PCED1B: variants seen among roughly 807,000 people sequenced by gnomAD.
The protein encoded by PCED1B is PC-esterase domain-containing protein 1B.
For synonymous variants in PCED1B, 251 were observed against 246.1 expected, an observed-to-expected ratio of 1.02 and a Z score of -0.19; for missense variants, 573 against 573.9, an observed-to-expected ratio of 1.00 and a Z score of 0.02.
intron 1 of PCED1B, among the ~76,000 whole-genome samples, chr12:47,083,305 G>A (rs1937830623): frequency 1.3e-5 from 2 of 152,006 alleles, no homozygotes; most frequent in South Asian, 4.2e-4. Context: ...TAGTCAGGTG[G>A]AATTTATACA....
chr12:47,149,161 C>A (rs1320898260), intron 2 of PCED1B, among the ~76,000 whole-genome samples: 2 of 152,206 alleles, frequency 1.3e-5, no homozygotes, highest in African/African-American at 4.8e-5. Flanking sequence ...GCTATTATTT[C>A]TCAGTTTAGA....
At chr12:47,230,897 CTTG>C (rs1340185341) in intron 3 of PCED1B, among the ~76,000 whole-genome samples, 1 of 152,222 alleles carries the variant, frequency 6.6e-6, no homozygotes, top group African/African-American at 2.4e-5. Flanking sequence ...GCACTTCCTA[CTTG>C]TTAGGCATTA....
chr12:47,145,412 A>G (rs2222609), intron 2 of PCED1B, among the ~76,000 whole-genome samples: 82,643 of 152,064 alleles, frequency 0.54, 24,059 homozygotes, highest in Non-Finnish European at 0.63. Context: ...TAATGGATGA[A>G]GGCAGCTACA....
At chr12:47,175,865 C>T (rs1941907426) in intron 2 of PCED1B, among the ~76,000 whole-genome samples, 1 of 151,796 alleles carries the variant, frequency 6.6e-6, no homozygotes, top group African/African-American at 2.4e-5. Flanking sequence ...AGTCACTGTG[C>T]CCGGCCTATT....
intron 2 of PCED1B, among the ~76,000 whole-genome samples, chr12:47,145,365 G>A (rs1228866249): frequency 2.0e-5 from 3 of 152,218 alleles, no homozygotes; most frequent in Non-Finnish European, 4.4e-5. Flanking sequence ...TGCTGATGTA[G>A]AAGCTGCAGG....
chr12:47,215,142 A>C (rs1415896465), intron 2 of PCED1B, among the ~76,000 whole-genome samples: 2 of 149,640 alleles, frequency 1.3e-5, no homozygotes, highest in African/African-American at 4.9e-5. Context: ...TTTCTTTTTC[A>C]TCTTGGTATT....
intron 1 of PCED1B, among the ~76,000 whole-genome samples, chr12:47,081,471 T>A (rs1457122826): frequency 6.6e-6 from 1 of 152,200 alleles, no homozygotes; most frequent in Non-Finnish European, 1.5e-5. Context: ...AATCTAGGCA[T>A]TTTCAGATGA....
intron 2 of PCED1B, chr12:47,135,867 G>C (rs1940340611): frequency 2.3e-6 from 1 of 437,378 alleles, no homozygotes; most frequent in African/African-American, 2.0e-5. Flanking sequence ...GCCGGTGTTG[G>C]CAGGAGTGAA....
intron 2 of PCED1B, among the ~76,000 whole-genome samples, chr12:47,191,881 C>T (rs1297393836): frequency 2.6e-5 from 4 of 151,878 alleles, no homozygotes; most frequent in African/African-American, 9.7e-5. Flanking sequence ...AATCTGAGTC[C>T]ATTACCATTT....
chr12:47,199,316 C>T (rs539149251), intron 2 of PCED1B, among the ~76,000 whole-genome samples: 5 of 152,254 alleles, frequency 3.3e-5, no homozygotes, highest in African/African-American at 1.2e-4. Context: ...ACCAGTTATT[C>T]CTGATAACTT....
intron 2 of PCED1B, among the ~76,000 whole-genome samples, chr12:47,199,964 A>G (rs1011028940): frequency 3.9e-5 from 6 of 152,184 alleles, no homozygotes; most frequent in Admixed American, 3.3e-4. Flanking sequence ...ATATTTGCAA[A>G]TATATCTGAT....
intron 3 of PCED1B, among the ~76,000 whole-genome samples, chr12:47,229,771 C>T (rs868434982): frequency 1.6e-4 from 25 of 151,632 alleles, no homozygotes; most frequent in South Asian, 2.1e-4. Flanking sequence ...GTAATCATTT[C>T]TTTTCTTTTT....
At chr12:47,195,342 G>T (rs1389627398) in intron 2 of PCED1B, among the ~76,000 whole-genome samples, 1 of 139,200 alleles carries the variant, frequency 7.2e-6, no homozygotes, top group Admixed American at 7.0e-5. Flanking sequence ...AAAAAAAAAA[G>T]AAAAAAAGAA....
At position 47,236,029 on chromosome 12, in the gene PCED1B, T is replaced by C; in HGVS notation, c.966T>C (p.Pro322=). The part of the protein sequence containing the change: ...LLPLLSPQPP[P]PILHHQGMPR... ...CGCTCCTGTCCCCACAGCCTCCTCC[T>C]CCCATTCTCCATCACCAGGGAATGC... Residue 322 remains proline (P), a synonymous_variant, in exon 4 of 4, where the codon CCT becomes CCC. Transcript: ENST00000546455. 6.2e-7 allele frequency: 1 copy of C among 1,611,190 alleles called. No individual in the cohort carries two copies. Among genetic ancestry groups the C allele is most frequent in the Admixed American group, 1.7e-5 (1 of 59,742 alleles).
intron 2 of PCED1B, among the ~76,000 whole-genome samples, chr12:47,196,108 C>T (rs1942595322): frequency 6.6e-6 from 1 of 152,150 alleles, no homozygotes; most frequent in Non-Finnish European, 1.5e-5. Flanking sequence ...CACTATGTTA[C>T]AAAATTTGAA....
At chr12:47,153,078 A>G (rs181016172) in intron 2 of PCED1B, among the ~76,000 whole-genome samples, 4 of 151,964 alleles carry the variant, frequency 2.6e-5, no homozygotes, top group Admixed American at 2.6e-4. Context: ...GGCCGGGCAC[A>G]GTGGCTCACG....
chr12:47,138,956 T>C (rs1342618734), intron 2 of PCED1B, among the ~76,000 whole-genome samples: 6 of 152,214 alleles, frequency 3.9e-5, no homozygotes, highest in Admixed American at 3.9e-4. Context: ...TTCTACCTCC[T>C]TTTACCTCCT....
intron 2 of PCED1B, among the ~76,000 whole-genome samples, chr12:47,131,615 T>C (rs1009412196): frequency 2.6e-5 from 4 of 151,866 alleles, no homozygotes; most frequent in African/African-American, 9.7e-5. Flanking sequence ...TCTCCATGGA[T>C]CATTTCCAGT....
chr12:47,170,918 C>T (rs1222786451), intron 2 of PCED1B, among the ~76,000 whole-genome samples: 3 of 151,968 alleles, frequency 2.0e-5, no homozygotes, highest in Non-Finnish European at 4.4e-5. Context: ...TAATTATCTT[C>T]CCTTATCATC....
Sources: gnomAD v4.1 joint callset for allele counts (sites outside exome capture counted in the v4.1 genomes callset) on GRCh38, gnomAD v4.1.1 for gene constraint, MANE v1.5 for transcripts, NCBI Gene and HGNC (gene_info 2026-07-23, HGNC 2026-07-21) for gene names.